Variants in FHOD3 observed in about 807,000 individuals in gnomAD.
FHOD3 encodes FH1/FH2 domain-containing protein 3.
Under a neutral mutation model 173.0 loss-of-function variants are expected in FHOD3, and 90 were observed. That is an observed-to-expected ratio of 0.52 (90% CI 0.44 to 0.62). The LOEUF (loss-of-function observed/expected upper bound fraction) is 0.62, where lower values mean the gene tolerates loss of function less well. Among genes scored for constraint, FHOD3 ranks in the 20% least tolerant of loss-of-function variants. The pLI is 0.00. For synonymous variants in FHOD3, 828 were observed against 823.0 expected (o/e 1.01, Z -0.10); for missense variants, 1,945 against 2,034.7 (o/e 0.96, Z 0.85).
intron 6 of FHOD3, among the ~76,000 whole-genome samples, chr18:36,592,305 G>A (rs2059246522): frequency 6.6e-6 from 1 of 152,236 alleles, no homozygotes; most frequent in South Asian, 2.1e-4. Context: ...TCTATAATGA[G>A]AATTTCTCTG....
intron 1 of FHOD3, among the ~76,000 whole-genome samples, chr18:36,353,799 G>T (rs970456682): frequency 6.6e-6 from 1 of 152,114 alleles, no homozygotes; most frequent in African/African-American, 2.4e-5. Flanking sequence ...CACAGCAAAG[G>T]CTCGTTTCTT....
rs2057628038 is a variant in FHOD3, at chr18:36,550,964, A to C, written c.512-25487A>C. Among the ~76,000 whole-genome samples, 5 of 152,290 alleles carry C rather than the reference A, an allele frequency of 3.3e-5. 1 individual carries two copies. The Middle Eastern group carries it at 0.017, about 518-fold the overall frequency. On this transcript the variant is annotated intron_variant, in intron 5 of 28. Coordinates refer to ENST00000590592, the MANE Select transcript of FHOD3 (RefSeq NM_001281740.3). ...TGTGGAATAGTGTTGAATAGAAGTGATAAGAGTAGACATCCTTGTCTTACT... is the reference window on the plus strand; with the variant it reads ...TGTGGAATAGTGTTGAATAGAAGTGCTAAGAGTAGACATCCTTGTCTTACT...
chr18:36,735,515 C>A lies in FHOD3; in HGVS notation c.3576+4711C>A, dbSNP rs74886499. ...CCCCTGGGTTCTTCTCTAGCTCCGC[C>A]TTGGTGGATCCAGCTTAGCTTCAGG... is the stretch of plus-strand genomic sequence containing the variant. On this transcript the variant is annotated intron_variant, in intron 20 of 28. Transcript: ENST00000590592. Among the ~76,000 whole-genome samples, 1,376 of 152,334 alleles carry A rather than the reference C, an allele frequency of 9.0e-3. 18 individuals carry two copies. Among genetic ancestry groups the A allele is most frequent in the African/African-American group, 0.031 (1,277 of 41,572 alleles).
At chr18:36,556,988 T>C (rs1486698592) in intron 5 of FHOD3, among the ~76,000 whole-genome samples, 11 of 152,228 alleles carry the variant, frequency 7.2e-5, no homozygotes, top group Admixed American at 7.2e-4. Context: ...GTAAATATGT[T>C]GATCCATTTT....
At chr18:36,686,748 T>C (rs1568606981) in intron 15 of FHOD3, among the ~76,000 whole-genome samples, 1 of 152,334 alleles carries the variant, frequency 6.6e-6, no homozygotes, top group East Asian at 1.9e-4. Flanking sequence ...GTTATGAAGC[T>C]ACCAGAGCTC....
At chr18:36,564,411 G>A (rs185123895) in intron 5 of FHOD3, among the ~76,000 whole-genome samples, 21 of 152,286 alleles carry the variant, frequency 1.4e-4, no homozygotes, top group Non-Finnish European at 4.4e-5. Context: ...ACTGTAGAAC[G>A]GGAAAGACTG....
At chr18:36,684,994 G>A (rs547277775) in intron 15 of FHOD3, among the ~76,000 whole-genome samples, 14 of 152,222 alleles carry the variant, frequency 9.2e-5, no homozygotes, top group Admixed American at 3.3e-4. Context: ...TTGTAGAGAT[G>A]AGGTTTCACT....
chr18:36,345,365 A>G (rs2045832094), intron 1 of FHOD3, among the ~76,000 whole-genome samples: 1 of 152,256 alleles, frequency 6.6e-6, no homozygotes, highest in African/African-American at 2.4e-5. Context: ...TGAATCGAAC[A>G]TAATGAAAAT....
At chr18:36,608,198 G>A (rs2032291567) in intron 8 of FHOD3, among the ~76,000 whole-genome samples, 2 of 152,180 alleles carry the variant, frequency 1.3e-5, no homozygotes, top group Admixed American at 6.5e-5. Flanking sequence ...ACCACAGGCT[G>A]GGTAATTTAT....
chr18:36,585,916 T>C (rs1188435124), intron 6 of FHOD3, among the ~76,000 whole-genome samples: 1 of 152,028 alleles, frequency 6.6e-6, no homozygotes, highest in Non-Finnish European at 1.5e-5. Context: ...TCTAGGAGAG[T>C]TGGATGAGCA....
At chr18:36,342,486 A>T (rs993572905) in intron 1 of FHOD3, among the ~76,000 whole-genome samples, 1 of 152,336 alleles carries the variant, frequency 6.6e-6, no homozygotes. Context: ...GATTATCTTC[A>T]GAAGAGATAT....
intron 7 of FHOD3, among the ~76,000 whole-genome samples, chr18:36,595,140 T>A (rs1214180884): frequency 1.3e-5 from 2 of 152,148 alleles, no homozygotes; most frequent in African/African-American, 4.8e-5. Context: ...TGAGCTTGTC[T>A]TTGCCTCTAC....
intron 27 of FHOD3, among the ~76,000 whole-genome samples, chr18:36,766,292 T>G (rs2043135071): frequency 6.6e-6 from 1 of 152,248 alleles, no homozygotes; most frequent in South Asian, 2.1e-4. Context: ...TTGACTTAAG[T>G]GTTTTCCTTG....
intron 5 of FHOD3, among the ~76,000 whole-genome samples, chr18:36,535,421 T>C (rs1318448816): frequency 3.9e-5 from 6 of 152,142 alleles, no homozygotes; most frequent in Non-Finnish European, 8.8e-5. Flanking sequence ...TAGTTTCTTA[T>C]GCGAGAAGTA....
At chr18:36,670,973 G>T (rs1273521209) in intron 14 of FHOD3, among the ~76,000 whole-genome samples, 1 of 152,200 alleles carries the variant, frequency 6.6e-6, no homozygotes, top group Admixed American at 6.5e-5. Context: ...GAATTATGAA[G>T]TTTTTCTCTG....
chr18:36,448,801 G>A (rs1348284727), intron 3 of FHOD3, among the ~76,000 whole-genome samples: 1 of 152,122 alleles, frequency 6.6e-6, no homozygotes, highest in Admixed American at 6.5e-5. Flanking sequence ...ACCCACAGCT[G>A]GTCTTGCGGT....
At chr18:36,591,592 G>A (rs1418937316) in intron 6 of FHOD3, among the ~76,000 whole-genome samples, 5 of 152,142 alleles carry the variant, frequency 3.3e-5, no homozygotes, top group East Asian at 1.9e-4. Flanking sequence ...GTGAACAAGC[G>A]TCTGTAGCAA....
intron 1 of FHOD3, among the ~76,000 whole-genome samples, chr18:36,306,511 G>A (rs998622701): frequency 6.6e-5 from 10 of 152,150 alleles, no homozygotes; most frequent in Admixed American, 6.5e-4. Context: ...AGAGAAACAG[G>A]CTAGGCAACC....
intron 3 of FHOD3, among the ~76,000 whole-genome samples, chr18:36,494,080 C>A (rs546308969): frequency 6.6e-6 from 1 of 151,606 alleles, no homozygotes; most frequent in East Asian, 1.9e-4. Context: ...TAAATTGGTT[C>A]TCATTTTTCT....
Sources: gnomAD v4.1 joint callset for allele counts (sites outside exome capture counted in the v4.1 genomes callset) on GRCh38, gnomAD v4.1.1 for gene constraint, MANE v1.5 for transcripts, NCBI Gene and HGNC (gene_info 2026-07-23, HGNC 2026-07-21) for gene names.